EYS: variants seen among roughly 807,000 people sequenced by gnomAD.
EYS encodes the protein protein eyes shut homolog.
In EYS, 250 loss-of-function variants were observed where a neutral mutation model predicts 282.1. The observed-to-expected ratio is 0.89, with a 90% CI of 0.80 to 0.98. The LOEUF (loss-of-function observed/expected upper bound fraction) is 0.98, where lower values mean the gene tolerates loss of function less well. Among genes scored for constraint, EYS ranks in the 50% least tolerant of loss-of-function variants. The probability of loss-of-function intolerance (pLI) is 0.00; values close to 1 mark genes in which losing one functional copy is unlikely to be tolerated. For missense variants in EYS, 4,016 were observed against 3,709.0 expected (o/e 1.08, Z -2.15); for synonymous variants, 1,355 against 1,282.9 (o/e 1.06, Z -1.20).
intron 31 of EYS, among the ~76,000 whole-genome samples, chr6:64,090,403 A>T (rs1772314689): frequency 6.6e-6 from 1 of 152,160 alleles, no homozygotes. Context: ...AACATATTTA[A>T]ACCCATTTTA....
chr6:64,729,257 C>T (rs1328344705), intron 22 of EYS, among the ~76,000 whole-genome samples: 2 of 152,170 alleles, frequency 1.3e-5, no homozygotes, highest in East Asian at 3.9e-4. Context: ...ACTACTAAGG[C>T]TGTATTGTAT....
At chr6:64,846,545 T>G (rs965295665) in intron 19 of EYS, among the ~76,000 whole-genome samples, 2 of 152,156 alleles carry the variant, frequency 1.3e-5, no homozygotes, top group African/African-American at 4.8e-5. Flanking sequence ...GGAGCTGTGA[T>G]AGTTTGAAAT....
intron 5 of EYS, among the ~76,000 whole-genome samples, chr6:65,428,011 AAC>A (rs1196268844): frequency 3.3e-5 from 5 of 152,112 alleles, no homozygotes; most frequent in Non-Finnish European, 7.4e-5. Context: ...TTAAAATATT[AAC>A]ACGTTATACA....
chr6:65,384,518 T>C lies in EYS; in HGVS notation c.1185-18A>G. 8.4e-7 allele frequency: 1 copy of C among 1,189,582 alleles called. No individual in the cohort carries two copies. Among genetic ancestry groups the C allele is most frequent in the Admixed American group, 1.7e-5 (1 of 58,734 alleles). 73.7% of individuals were successfully genotyped at this position (1,189,582 alleles called of 1,614,324 possible). A position where few individuals can be genotyped will look rare whatever the true frequency, so the allele number is the denominator to read the frequency against. ...ATATACAGCTGTAAATACATCAGTG[T>C]AAATTAGAAAAATTATAATTTAAAT... On this transcript the variant is annotated intron_variant, in intron 7 of 42. Transcript: ENST00000503581.
intron 7 of EYS, among the ~76,000 whole-genome samples, chr6:65,394,232 G>C (rs183528967): frequency 2.1e-5 from 3 of 144,382 alleles, no homozygotes; most frequent in Admixed American, 7.3e-5. Flanking sequence ...ATGTGCGCAC[G>C]TGTGTGTGTG....
chr6:65,178,960 T>C (rs1292287834), intron 12 of EYS, among the ~76,000 whole-genome samples: 1 of 152,098 alleles, frequency 6.6e-6, no homozygotes, highest in African/African-American at 2.4e-5. Context: ...CCTGAATGAC[T>C]ACTGGGTACA....
chr6:64,975,479 A>C (rs1000783358), intron 14 of EYS, among the ~76,000 whole-genome samples: 3 of 151,848 alleles, frequency 2.0e-5, no homozygotes, highest in African/African-American at 4.8e-5. Context: ...TTTTTAAAAA[A>C]GTTTTTGCAT....
At chr6:63,811,560 C>T (rs2149681425) in intron 36 of EYS, among the ~76,000 whole-genome samples, 1 of 152,286 alleles carries the variant, frequency 6.6e-6, no homozygotes, top group South Asian at 2.1e-4. Context: ...TGTATTTGAT[C>T]ATGAGTACCG....
intron 30 of EYS, among the ~76,000 whole-genome samples, chr6:64,304,376 G>A (rs1327430279): frequency 6.6e-6 from 1 of 152,142 alleles, no homozygotes; most frequent in African/African-American, 2.4e-5. Context: ...ATAATTAATA[G>A]AGCAACGATG....
rs141803916 is a variant in EYS at position 64,200,451 on chromosome 6, T to G, written c.6424+30141A>C. Among the ~76,000 whole-genome samples the G allele has an allele frequency of 3.1e-3, 466 of 152,278 alleles. 1 individual carries two copies. The highest frequency in any genetic ancestry group is 5.0e-3 in the African/African-American group (209 of 41,568). On this transcript the variant is annotated intron_variant, in intron 31 of 42. Coordinates refer to ENST00000503581, the MANE Select transcript of EYS (RefSeq NM_001142800.2). ...AGGGTATATATAACTCTGTAGTATG[T>G]GCTCAATAACAGTTAAAAAATTTTT...
intron 26 of EYS, among the ~76,000 whole-genome samples, chr6:64,497,176 C>T (rs1051302819): frequency 6.6e-6 from 1 of 152,088 alleles, no homozygotes; most frequent in Non-Finnish European, 1.5e-5. Context: ...AGCACACATT[C>T]TACAAAGTTA....
At chr6:64,919,618 G>A (rs1031859710) in intron 15 of EYS, among the ~76,000 whole-genome samples, 1 of 151,448 alleles carries the variant, frequency 6.6e-6, no homozygotes, top group African/African-American at 2.4e-5. Context: ...ATTTCAATTG[G>A]AAGAATTATA....
chr6:63,731,789 A>G (rs1768788508), intron 41 of EYS, among the ~76,000 whole-genome samples: 1 of 152,128 alleles, frequency 6.6e-6, no homozygotes, highest in Non-Finnish European at 1.5e-5. Context: ...CTTTGTTTGT[A>G]TTTGATACAC....
intron 35 of EYS, among the ~76,000 whole-genome samples, chr6:63,901,103 T>C (rs1394699673): frequency 6.6e-6 from 1 of 152,038 alleles, no homozygotes. Flanking sequence ...AAGCAGCTGT[T>C]ATAAGTATGT....
chr6:65,375,594 G>A (rs1765333605), intron 8 of EYS, among the ~76,000 whole-genome samples: 2 of 151,974 alleles, frequency 1.3e-5, no homozygotes, highest in African/African-American at 2.4e-5. Context: ...ACTCCTCTGA[G>A]CTAAAGGAAG....
rs923127051 is a variant in EYS at position 64,940,557 on chromosome 6, T to C, written c.2381+5236A>G. Among the ~76,000 whole-genome samples the C allele has an allele frequency of 3.9e-5, 6 of 152,172 alleles. No homozygotes were observed. The South Asian group carries it at 1.2e-3, about 31-fold the overall frequency. ...TCCTAATATACAGGTGGAAAGGTTA[T>C]TAATATCAATTTGTGTTCATACATC... On this transcript the variant is annotated intron_variant, in intron 15 of 42. Coordinates refer to ENST00000503581, the MANE Select transcript of EYS (RefSeq NM_001142800.2).
At chr6:64,017,180 A>C (rs1377290794) in intron 33 of EYS, among the ~76,000 whole-genome samples, 1 of 152,052 alleles carries the variant, frequency 6.6e-6, no homozygotes, top group East Asian at 1.9e-4. Flanking sequence ...GGACCTTGTT[A>C]ATAGCAAGTA....
chr6:64,540,484 T>A (rs1764669316), intron 26 of EYS, among the ~76,000 whole-genome samples: 1 of 143,646 alleles, frequency 7.0e-6, no homozygotes, highest in Non-Finnish European at 1.5e-5. Flanking sequence ...GATTTTTTTT[T>A]TTTTTTTTTT....
intron 18 of EYS, among the ~76,000 whole-genome samples, chr6:64,892,800 C>G (rs1418125379): frequency 4.6e-5 from 7 of 152,008 alleles, no homozygotes; most frequent in African/African-American, 1.7e-4. Flanking sequence ...AAACATCATT[C>G]GGATTGATGA....
Sources: allele counts gnomAD v4.1 joint callset (sites outside exome capture counted in the v4.1 genomes callset), GRCh38; gene constraint gnomAD v4.1.1; transcripts MANE v1.5; gene names NCBI Gene and HGNC (gene_info 2026-07-23, HGNC 2026-07-21).